Variants in GPC6 observed in about 807,000 individuals in gnomAD.
GPC6 encodes the protein glypican-6.
GPC6 carries 14 observed loss-of-function variants against 55.2 expected under a neutral mutation model. The observed-to-expected ratio is 0.25, with a 90% confidence interval of 0.17 to 0.40. GPC6 has a LOEUF of 0.40. Among genes scored for constraint, GPC6 ranks in the 10% least tolerant of loss-of-function variants. The pLI, the probability that GPC6 is intolerant of heterozygous loss-of-function variation, is 1.00. For synonymous variants in GPC6, 278 were observed against 259.6 expected (o/e 1.07, Z -0.68); for missense variants, 641 against 708.5 (o/e 0.90, Z 1.08).
chr13:93,553,803 G>A (rs1325596094), intron 2 of GPC6, among the ~76,000 whole-genome samples: 1 of 151,312 alleles, frequency 6.6e-6, no homozygotes, highest in Non-Finnish European at 1.5e-5. Flanking sequence ...TCTGGGTTGT[G>A]TATAGTTTCT....
Position 93,682,917 on chromosome 13 carries a change from C to T in GPC6, c.319+137496C>T, listed in dbSNP as rs1391318545. ...CCTGTAATCCTAGCTACTTGGGAGG[C>T]TGAGCTGGGAGAATTGCTTGGACCT... On this transcript the variant is annotated intron_variant, in intron 2 of 8. Coordinates refer to ENST00000377047, the MANE Select transcript of GPC6 (RefSeq NM_005708.5). 5.3e-5 allele frequency among the ~76,000 whole-genome samples: 8 copies of T among 151,392 alleles called. No homozygotes were observed. The East Asian group carries it at 1.6e-3, about 30-fold the overall frequency.
chr13:93,665,032 C>A (rs1230236297), intron 2 of GPC6, among the ~76,000 whole-genome samples: 2 of 152,140 alleles, frequency 1.3e-5, no homozygotes, highest in Admixed American at 1.3e-4. Flanking sequence ...TTTTCAGAGG[C>A]CCAATCAGCT....
Position 93,290,918 on chromosome 13 carries a change from T to C in GPC6, c.160+63302T>C, listed in dbSNP as rs1283032848. Among the ~76,000 whole-genome samples, 8 of 152,296 alleles carry C rather than the reference T, an allele frequency of 5.3e-5. No homozygotes were observed. The East Asian group carries it at 1.5e-3, about 29-fold the overall frequency. On this transcript the variant is annotated intron_variant, in intron 1 of 8. Transcript: ENST00000377047. Reference sequence around the variant, plus strand: ...ATGTTAAAAAGTGTATTCAATATTATGGTTAGAGCCTGGTTAATGTCTCAT... The same window carrying C: ...ATGTTAAAAAGTGTATTCAATATTACGGTTAGAGCCTGGTTAATGTCTCAT...
At chr13:93,321,502 T>G (rs766001825) in intron 1 of GPC6, among the ~76,000 whole-genome samples, 3 of 152,198 alleles carry the variant, frequency 2.0e-5, no homozygotes, top group Non-Finnish European at 4.4e-5. Flanking sequence ...CCTTCTCTGA[T>G]TCCAGCGTCA....
the GPC6 span, among the ~76,000 whole-genome samples, chr13:93,218,030 T>A: frequency 6.6e-6 from 1 of 152,128 alleles, no homozygotes; most frequent in Non-Finnish European, 1.5e-5. Flanking sequence ...CATCGCCGCC[T>A]GTTTCTATGC....
intron 4 of GPC6, among the ~76,000 whole-genome samples, chr13:94,202,424 A>G (rs7990307): frequency 6.6e-5 from 10 of 152,316 alleles, no homozygotes; most frequent in Non-Finnish European, 1.5e-4. Context: ...TGAAAGGCAA[A>G]AGGCATGTCC....
In GPC6 at chr13:93,652,484, T is replaced by G. The variant is rs1445223598; in HGVS notation, c.319+107063T>G. Among the ~76,000 whole-genome samples, 7 of 152,180 alleles carry G rather than the reference T, an allele frequency of 4.6e-5. 1 individual carries two copies. Among genetic ancestry groups the G allele is most frequent in the African/African-American group, 1.7e-4 (7 of 41,434 alleles). ...AGCCAGTTTATTAGGGCATATTAGG[T>G]TTCAAGTTATGCTTATTAACACCCT... On this transcript the variant is annotated intron_variant, in intron 2 of 8. Coordinates refer to ENST00000377047, the MANE Select transcript of GPC6 (RefSeq NM_005708.5).
chr13:93,898,974 CAT>C (rs1876188368), intron 3 of GPC6, among the ~76,000 whole-genome samples: 1 of 142,486 alleles, frequency 7.0e-6, no homozygotes, highest in Non-Finnish European at 1.5e-5. Flanking sequence ...TATACACACA[CAT>C]ATATATACAT....
At chr13:93,565,105 T>C (rs57786138) in intron 2 of GPC6, among the ~76,000 whole-genome samples, 1 of 152,194 alleles carries the variant, frequency 6.6e-6, no homozygotes, top group African/African-American at 2.4e-5. Context: ...TATTCAGTTT[T>C]ATTTTTTTCT....
chr13:94,277,564 G>A (rs1892252135), intron 4 of GPC6, among the ~76,000 whole-genome samples: 1 of 152,112 alleles, frequency 6.6e-6, no homozygotes, highest in African/African-American at 2.4e-5. Flanking sequence ...ATAGTTTTGA[G>A]TCTTACATTT....
chr13:94,055,258 A>G lies in GPC6; in HGVS notation c.877+27364A>G, dbSNP rs954855852. On this transcript the variant is annotated intron_variant, in intron 4 of 8. Transcript: ENST00000377047. ...GTTAAACACAGGGTGAAGCAGTTAT[A>G]TACTTTAAATGTATGTTACAATTCT... Among the ~76,000 whole-genome samples the G allele has an allele frequency of 2.0e-5, 3 of 152,198 alleles. No homozygotes were observed. The South Asian group carries it at 6.2e-4, about 31-fold the overall frequency.
chr13:94,248,893 C>G (rs898801332), intron 4 of GPC6, among the ~76,000 whole-genome samples: 1 of 152,118 alleles, frequency 6.6e-6, no homozygotes, highest in Non-Finnish European at 1.5e-5. Flanking sequence ...TAATATACCT[C>G]TTAAATGGCA....
intron 6 of GPC6, among the ~76,000 whole-genome samples, chr13:94,352,871 A>G (rs1226277474): frequency 6.6e-6 from 1 of 152,204 alleles, no homozygotes; most frequent in African/African-American, 2.4e-5. Flanking sequence ...TGGCTTAGCT[A>G]CTGGGGCATT....
chr13:93,822,024 A>ATAT (rs1480041938), intron 2 of GPC6, among the ~76,000 whole-genome samples: 1 of 75,278 alleles, frequency 1.3e-5, no homozygotes, highest in African/African-American at 6.3e-5. Context: ...ATACATATAT[A>ATAT]CATAATATGT....
At chr13:93,752,879 G>A (rs1280695246) in intron 2 of GPC6, among the ~76,000 whole-genome samples, 1 of 152,232 alleles carries the variant, frequency 6.6e-6, no homozygotes, top group Non-Finnish European at 1.5e-5. Flanking sequence ...GTGAATTAAT[G>A]ATCAGATGGA....
chr13:93,243,564 G>C (rs1014685806), intron 1 of GPC6, among the ~76,000 whole-genome samples: 1 of 152,182 alleles, frequency 6.6e-6, no homozygotes. Context: ...TGGCAGGTGC[G>C]AGCACCAGCT....
chr13:93,299,802 T>A (rs2139092079), intron 1 of GPC6, among the ~76,000 whole-genome samples: 1 of 152,348 alleles, frequency 6.6e-6, no homozygotes, highest in South Asian at 2.1e-4. Context: ...TAATTACTAG[T>A]ATCAACTAGA....
At chr13:94,232,092 G>A (rs567563341) in intron 4 of GPC6, among the ~76,000 whole-genome samples, 99 of 152,260 alleles carry the variant, frequency 6.5e-4, no homozygotes, top group African/African-American at 2.3e-3. Flanking sequence ...TTCTAAGAAA[G>A]CAAAGATCTC....
chr13:94,133,267 C>CA (rs66499161), intron 4 of GPC6, among the ~76,000 whole-genome samples: 5,360 of 84,978 alleles, frequency 0.063, 224 homozygotes, highest in African/African-American at 0.095. Flanking sequence ...TGACCAGTGA[C>CA]AAAAAAAAAA....
Sources: gnomAD v4.1 joint callset for allele counts (sites outside exome capture counted in the v4.1 genomes callset) on GRCh38, gnomAD v4.1.1 for gene constraint, MANE v1.5 for transcripts, NCBI Gene and HGNC (gene_info 2026-07-23, HGNC 2026-07-21) for gene names.